Variants in EVL observed in about 807,000 individuals in gnomAD.
EVL encodes the protein Enah/Vasp-like.
A neutral mutation model predicts 59.6 loss-of-function variants in EVL; 21 were observed. That is an observed-to-expected ratio of 0.35 (90% CI 0.25 to 0.51). The LOEUF is 0.51. EVL is among the 20% of genes least tolerant of loss of function. The pLI is 0.97. For missense variants in EVL, 462 were observed against 546.6 expected (o/e 0.85, Z 1.54); for synonymous variants, 198 against 203.5 (o/e 0.97, Z 0.23).
In EVL at chr14:100,043,245, G is replaced by A. The variant is rs971522577; in HGVS notation, c.6-41442G>A. Among the ~76,000 whole-genome samples the A allele has an allele frequency of 3.3e-5, 5 of 150,442 alleles. No individual in the cohort carries two copies. In the East Asian group the frequency reaches 7.7e-4, roughly 23 times the overall value. On this transcript the variant is annotated intron_variant, in intron 1 of 13. Transcript: ENST00000402714. ...TATATATATATGTATGTGTGTGTGT[G>A]TATATATATATGTGTGTGTGTATAT...
chr14:100,116,685 A>G (rs949541371), intron 3 of EVL, among the ~76,000 whole-genome samples: 3 of 152,242 alleles, frequency 2.0e-5, no homozygotes, highest in African/African-American at 7.2e-5. Context: ...TGGATCGCAG[A>G]GCAGGGATTC....
At chr14:99,987,904 AATT>A (rs1345542437) in intron 1 of EVL, among the ~76,000 whole-genome samples, 2 of 139,484 alleles carry the variant, frequency 1.4e-5, no homozygotes, top group Non-Finnish European at 3.0e-5. Context: ...AAGACAACCC[AATT>A]TTTTTTTTTT....
At chr14:100,008,725 A>G (rs780979633) in intron 1 of EVL, among the ~76,000 whole-genome samples, 20 of 152,232 alleles carry the variant, frequency 1.3e-4, no homozygotes, top group South Asian at 2.1e-4. Flanking sequence ...TCACCTAACA[A>G]ATCCCAGTGT....
intron 3 of EVL, among the ~76,000 whole-genome samples, chr14:100,099,561 A>T (rs1176721589): frequency 6.6e-6 from 1 of 152,160 alleles, no homozygotes; most frequent in East Asian, 1.9e-4. Context: ...CATGGTAAGG[A>T]AGCATCTTAA....
At chr14:100,141,639 C>A in intron 12 of EVL, 97 bp from the exon 13 acceptor site, 1 of 1,154,624 alleles carries the variant, frequency 8.7e-7, no homozygotes, top group Non-Finnish European at 1.2e-6. Flanking sequence ...TCTGGAGAGG[C>A]CCAGGAGACC....
chr14:100,096,100 G>T (rs1483275485), intron 2 of EVL, among the ~76,000 whole-genome samples: 1 of 152,132 alleles, frequency 6.6e-6, no homozygotes, highest in African/African-American at 2.4e-5. Context: ...GCCTGTCATA[G>T]GAAGACCCAA....
intron 9 of EVL, among the ~76,000 whole-genome samples, chr14:100,136,539 A>G (rs1888801307): frequency 6.6e-6 from 1 of 152,144 alleles, no homozygotes; most frequent in South Asian, 2.1e-4. Context: ...TTCGACAAAC[A>G]TCTTTGCAGC....
At chr14:100,076,073 G>T (rs1428188209) in intron 1 of EVL, among the ~76,000 whole-genome samples, 1 of 152,226 alleles carries the variant, frequency 6.6e-6, no homozygotes, top group African/African-American at 2.4e-5. Context: ...GAAAAGGTAA[G>T]ATTCAAACCT....
upstream of EVL, among the ~76,000 whole-genome samples, chr14:100,061,512 G>A (rs895052987): frequency 1.4e-5 from 2 of 144,946 alleles, no homozygotes; most frequent in South Asian, 2.2e-4. Flanking sequence ...CTCGGGGATG[G>A]ATAAAGATTA....
intron 1 of EVL, among the ~76,000 whole-genome samples, chr14:100,076,042 C>G (rs1423573306): frequency 2.6e-5 from 4 of 152,182 alleles, no homozygotes; most frequent in Non-Finnish European, 4.4e-5. Flanking sequence ...GTTTTGAAAG[C>G]AATGACAATG....
chr14:99,981,091 A>T (rs1053821267), intron 1 of EVL, among the ~76,000 whole-genome samples: 1 of 150,960 alleles, frequency 6.6e-6, no homozygotes, highest in South Asian at 2.1e-4. Context: ...AAAAAAGTGT[A>T]GGCATCTGCT....
At chr14:100,122,049 A>C (rs905895051) in intron 3 of EVL, among the ~76,000 whole-genome samples, 1 of 152,240 alleles carries the variant, frequency 6.6e-6, no homozygotes, top group Non-Finnish European at 1.5e-5. Flanking sequence ...AGCCTGTGCC[A>C]AGCTCACAGC....
At chr14:100,068,225 A>G (rs576343009) in intron 1 of EVL, among the ~76,000 whole-genome samples, 3 of 152,318 alleles carry the variant, frequency 2.0e-5, no homozygotes, top group East Asian at 1.9e-4. Flanking sequence ...AAGGGCAGCA[A>G]GTATCCTCAG....
chr14:99,993,119 A>G (rs1484930958), intron 1 of EVL, among the ~76,000 whole-genome samples: 1 of 144,234 alleles, frequency 6.9e-6, no homozygotes, highest in South Asian at 2.2e-4. Context: ...GTGCAGTGGC[A>G]TGATTTCGGC....
intron 1 of EVL, among the ~76,000 whole-genome samples, chr14:100,046,815 C>T (rs532317283): frequency 6.4e-4 from 93 of 145,160 alleles, no homozygotes; most frequent in East Asian, 1.9e-3. Flanking sequence ...TGCAGTGGCG[C>T]GACCTCGGCT....
chr14:100,124,779 C>A (rs1429952378), intron 4 of EVL, among the ~76,000 whole-genome samples: 1 of 152,184 alleles, frequency 6.6e-6, no homozygotes, highest in Non-Finnish European at 1.5e-5. Flanking sequence ...GCTTCATCAC[C>A]CGCAGTGCTG....
chr14:100,130,517 C>T lies in EVL; in HGVS notation c.839+833C>T, dbSNP rs941160089. Reference sequence around the variant, plus strand: ...CCTGCTCCCTTGGTAACCCCACCTCCACCCCCTGCCACTTTGTCGCCTTCT... The same window carrying T: ...CCTGCTCCCTTGGTAACCCCACCTCTACCCCCTGCCACTTTGTCGCCTTCT... On this transcript the variant is annotated intron_variant, in intron 7 of 13. Transcript: ENST00000392920. The surrounding 1 kb of genome is among the most constrained non-coding windows in gnomAD (Gnocchi z 4.8). 3.3e-5 allele frequency among the ~76,000 whole-genome samples: 5 copies of T among 152,214 alleles called. No homozygotes were observed. Among genetic ancestry groups the T allele is most frequent in the Non-Finnish European group, 4.4e-5 (3 of 68,040 alleles).
intron 3 of EVL, among the ~76,000 whole-genome samples, chr14:100,112,287 C>G (rs1887048705): frequency 6.6e-6 from 1 of 152,200 alleles, no homozygotes; most frequent in Non-Finnish European, 1.5e-5. Context: ...CTATCTGCTG[C>G]CTGCCCTCTC....
chr14:100,043,852 G>A (rs1241138314), intron 1 of EVL, among the ~76,000 whole-genome samples: 4 of 151,892 alleles, frequency 2.6e-5, no homozygotes, highest in East Asian at 3.9e-4. Context: ...GGGCTCAAGC[G>A]ATCTTCCCAC....
Sources: allele counts gnomAD v4.1 joint callset (sites outside exome capture counted in the v4.1 genomes callset), GRCh38; gene constraint gnomAD v4.1.1; non-coding constraint Gnocchi (gnomAD v3.1); transcripts MANE v1.5; gene names NCBI Gene and HGNC (gene_info 2026-07-23, HGNC 2026-07-21).